The following NLK variants were observed in gnomAD, a reference collection of about 807,000 sequenced individuals.
NLK encodes the protein serine/threonine-protein kinase NLK.
In NLK, 11 loss-of-function variants were observed where a neutral mutation model predicts 59.0. The ratio of observed to expected loss-of-function variants is 0.19; its 90% CI spans 0.12 to 0.31. The LOEUF is 0.31. Among genes scored for constraint, NLK ranks in the 10% least tolerant of loss-of-function variants. The probability of loss-of-function intolerance (pLI) is 1.00; values close to 1 mark genes in which losing one functional copy is unlikely to be tolerated. For synonymous variants in NLK, 235 were observed against 235.9 expected, an observed-to-expected ratio of 1.00 and a Z score of 0.03; for missense variants, 410 against 661.1, an observed-to-expected ratio of 0.62 and a Z score of 4.16.
chr17:28,200,827 A>G (rs901026247), downstream of NLK, among the ~76,000 whole-genome samples: 1 of 152,026 alleles, frequency 6.6e-6, no homozygotes, highest in Admixed American at 6.6e-5. Flanking sequence ...TTACACTTTT[A>G]TAACATGCAC....
chr17:28,113,100 GTGTGCTAGAAAATTAAGC>G (rs1206027194), intron 1 of NLK, among the ~76,000 whole-genome samples: 6 of 152,232 alleles, frequency 3.9e-5, no homozygotes, highest in Admixed American at 2.6e-4. Context: ...AAAATTTTTT[GTGTGCTAGAAAATTAAGC>G]TGGGCAGTTT....
intron 3 of NLK, among the ~76,000 whole-genome samples, chr17:28,141,194 T>G (rs970165064): frequency 6.6e-6 from 1 of 152,184 alleles, no homozygotes; most frequent in African/African-American, 2.4e-5. Flanking sequence ...GACCACTATT[T>G]TATTTCATCT....
At chr17:28,077,314 T>TGGC (rs1910204974) in intron 1 of NLK, among the ~76,000 whole-genome samples, 2 of 151,970 alleles carry the variant, frequency 1.3e-5, no homozygotes, top group African/African-American at 4.8e-5. Context: ...CTTAACATGG[T>TGGC]GGCGGCAAGA....
chr17:28,099,568 C>CTTTTTTTT lies in NLK; in HGVS notation c.459-23021_459-23014dup, dbSNP rs945214545. Among the ~76,000 whole-genome samples, 144 of 122,928 alleles carry CTTTTTTTT rather than the reference C, an allele frequency of 1.2e-3. 4 individuals are homozygous for CTTTTTTTT. The highest frequency in any genetic ancestry group is 4.6e-3 in the African/African-American group (138 of 30,050). 80.6% of individuals were successfully genotyped at this position (122,928 alleles called of 152,430 possible). On this transcript the variant is annotated intron_variant, in intron 1 of 10. Coordinates refer to ENST00000407008, the MANE Select transcript of NLK (RefSeq NM_016231.5). ...ATTGTAAATAGTCTTTTGTGTTTGA[C>CTTTTTTTT]TTTTTTTTTTTTTTTTTTTTTGAGA...
At chr17:28,182,613 T>C (rs893493953) in intron 7 of NLK, among the ~76,000 whole-genome samples, 34 of 152,238 alleles carry the variant, frequency 2.2e-4, no homozygotes, top group Admixed American at 2.0e-4. Context: ...CAAGTAAAAC[T>C]TCCTTCCAGT....
intron 1 of NLK, among the ~76,000 whole-genome samples, chr17:28,085,362 G>A (rs1379906403): frequency 6.6e-6 from 1 of 152,128 alleles, no homozygotes; most frequent in Non-Finnish European, 1.5e-5. Flanking sequence ...TTAAACAAGC[G>A]AAGAAAGTAC....
At chr17:28,139,686 C>T (rs1368147646) in intron 3 of NLK, among the ~76,000 whole-genome samples, 1 of 152,142 alleles carries the variant, frequency 6.6e-6, no homozygotes, top group African/African-American at 2.4e-5. Context: ...TTATTCATAT[C>T]TCCAATTTAT....
chr17:28,049,973 T>C (rs950914672), intron 1 of NLK, among the ~76,000 whole-genome samples: 2 of 152,212 alleles, frequency 1.3e-5, no homozygotes, highest in African/African-American at 4.8e-5. Flanking sequence ...AGAGTGAAAC[T>C]GTGTCTCAAA....
rs543628972 is a variant in NLK at position 28,169,652 on chromosome 17, C to T, written c.1047+995C>T. On this transcript the variant is annotated intron_variant, in intron 6 of 10. Transcript: ENST00000407008. ...GATTGGTGGGTTCAAATCCTAGCTG[C>T]ACCACTTATGTTAAATCTTGGGTAA... is the stretch of plus-strand genomic sequence containing the variant. Among the ~76,000 whole-genome samples the T allele has an allele frequency of 3.6e-3, 548 of 151,710 alleles. 1 individual carries two copies. The highest frequency in any genetic ancestry group is 6.4e-3 in the Non-Finnish European group (435 of 67,980).
intron 5 of NLK, among the ~76,000 whole-genome samples, chr17:28,167,259 C>G (rs1908272991): frequency 6.6e-6 from 1 of 151,934 alleles, no homozygotes; most frequent in Non-Finnish European, 1.5e-5. Context: ...AAGATAGGGT[C>G]TCAATCTCAC....
intron 2 of NLK, among the ~76,000 whole-genome samples, chr17:28,126,694 TACAC>T (rs1214174071): frequency 1.3e-5 from 2 of 152,054 alleles, no homozygotes; most frequent in Admixed American, 1.3e-4. Context: ...TTTACACACA[TACAC>T]ACACACATCT....
chr17:28,130,488 C>T (rs1906471222), intron 2 of NLK, among the ~76,000 whole-genome samples: 1 of 152,156 alleles, frequency 6.6e-6, no homozygotes, highest in Non-Finnish European at 1.5e-5. Context: ...CAGCTAAATG[C>T]TGTAGTGCAA....
intron 3 of NLK, among the ~76,000 whole-genome samples, chr17:28,135,561 T>A (rs1161419833): frequency 6.6e-6 from 1 of 152,120 alleles, no homozygotes; most frequent in African/African-American, 2.4e-5. Context: ...GGCCCAGAGG[T>A]TATTTCCTAG....
At chr17:28,111,888 GTGTGTGTGGT>G (rs1307433667) in intron 1 of NLK, among the ~76,000 whole-genome samples, 17 of 121,258 alleles carry the variant, frequency 1.4e-4, no homozygotes, top group African/African-American at 4.9e-4. Flanking sequence ...GTGTGTGTGT[GTGTGTGTGGT>G]GTGTGTGTGT....
chr17:28,204,998 A>G, the NLK span, among the ~76,000 whole-genome samples: 116 of 152,310 alleles, frequency 7.6e-4, no homozygotes, highest in Middle Eastern at 6.8e-3. Flanking sequence ...CTTTCTAAGA[A>G]TGACTCAGGT....
chr17:28,061,775 C>A (rs1909648115), intron 1 of NLK, among the ~76,000 whole-genome samples: 1 of 144,036 alleles, frequency 6.9e-6, no homozygotes, highest in African/African-American at 2.5e-5. Context: ...TACATATATA[C>A]ATATACATAT....
intron 1 of NLK, among the ~76,000 whole-genome samples, chr17:28,075,523 T>G (rs769953715): frequency 1.3e-5 from 2 of 152,252 alleles, no homozygotes; most frequent in Non-Finnish European, 2.9e-5. Context: ...GGTTCATCTC[T>G]GTTTTGTATT....
chr17:28,135,837 T>C (rs1435688690), intron 3 of NLK, among the ~76,000 whole-genome samples: 1 of 152,224 alleles, frequency 6.6e-6, no homozygotes, highest in Non-Finnish European at 1.5e-5. Context: ...TGGTACTTGG[T>C]TTGAAAACTG....
chr17:28,194,274 C>G (rs1310913425), intron 10 of NLK, among the ~76,000 whole-genome samples: 1 of 152,164 alleles, frequency 6.6e-6, no homozygotes, highest in Non-Finnish European at 1.5e-5. Context: ...ATCCCAGTAT[C>G]CTATGAGGTA....
Sources: gnomAD v4.1 joint callset for allele counts (sites outside exome capture counted in the v4.1 genomes callset) on GRCh38, gnomAD v4.1.1 for gene constraint, MANE v1.5 for transcripts, NCBI Gene and HGNC (gene_info 2026-07-23, HGNC 2026-07-21) for gene names.